TBC1D22A: variants seen among roughly 807,000 people sequenced by gnomAD.
TBC1D22A encodes TBC1 domain family member 22A.
TBC1D22A carries 38 observed loss-of-function variants against 60.2 expected under a neutral mutation model. The ratio of observed to expected loss-of-function variants is 0.63; its 90% CI spans 0.49 to 0.83. The LOEUF is 0.83. Ranked by LOEUF, TBC1D22A falls within the 40% of genes least tolerant of loss-of-function variation. The probability of loss-of-function intolerance (pLI) is 0.00; values close to 1 mark genes in which losing one functional copy is unlikely to be tolerated. For missense variants in TBC1D22A, 628 were observed against 701.0 expected (o/e 0.90, Z 1.18); for synonymous variants, 302 against 281.7 (o/e 1.07, Z -0.72).
chr22:46,884,561 G>A (rs1326844405), intron 5 of TBC1D22A, among the ~76,000 whole-genome samples: 2 of 152,188 alleles, frequency 1.3e-5, no homozygotes, highest in African/African-American at 4.8e-5. Context: ...TGAGAGCAGC[G>A]GCCAGCGGCT....
At chr22:47,168,951 G>A (rs2068317678) in intron 12 of TBC1D22A, among the ~76,000 whole-genome samples, 1 of 151,738 alleles carries the variant, frequency 6.6e-6, no homozygotes, top group Non-Finnish European at 1.5e-5. Context: ...CCTCAGCATT[G>A]GGAGCCTCGT....
chr22:47,014,585 C>T (rs2061850915), intron 10 of TBC1D22A, among the ~76,000 whole-genome samples: 1 of 152,250 alleles, frequency 6.6e-6, no homozygotes, highest in African/African-American at 2.4e-5. Flanking sequence ...CCCCATCCTT[C>T]ACCTCACTTA....
At chr22:47,011,085 A>T (rs1056729049) in intron 10 of TBC1D22A, among the ~76,000 whole-genome samples, 3 of 152,130 alleles carry the variant, frequency 2.0e-5, no homozygotes, top group Admixed American at 2.0e-4. Context: ...CCATCCCCGT[A>T]CTCAGAGTCC....
chr22:47,102,063 G>A (rs2065438696), intron 11 of TBC1D22A, among the ~76,000 whole-genome samples: 1 of 152,172 alleles, frequency 6.6e-6, no homozygotes, highest in African/African-American at 2.4e-5. Flanking sequence ...CAGGGTAGGG[G>A]GAGGAAACCG....
At chr22:46,867,398 C>T (rs1373392121) in intron 4 of TBC1D22A, among the ~76,000 whole-genome samples, 1 of 152,184 alleles carries the variant, frequency 6.6e-6, no homozygotes, top group Admixed American at 6.5e-5. Context: ...TTGAAGGATT[C>T]TGTGTGTCAA....
intron 12 of TBC1D22A, among the ~76,000 whole-genome samples, chr22:47,113,011 C>T (rs749089159): frequency 3.3e-5 from 5 of 152,202 alleles, no homozygotes; most frequent in Admixed American, 6.5e-5. Flanking sequence ...GCCTAGACTG[C>T]GGTCTCCTGG....
chr22:46,998,901 G>A (rs1167921565), intron 10 of TBC1D22A, among the ~76,000 whole-genome samples: 2 of 152,254 alleles, frequency 1.3e-5, no homozygotes, highest in Non-Finnish European at 2.9e-5. Flanking sequence ...TCCACCGCGC[G>A]GTCTTGTTTG....
chr22:47,025,944 G>A (rs1297257339), intron 10 of TBC1D22A, among the ~76,000 whole-genome samples: 1 of 152,218 alleles, frequency 6.6e-6, no homozygotes, highest in Non-Finnish European at 1.5e-5. Context: ...GAAACGTATA[G>A]TGTTGTAGAG....
intron 4 of TBC1D22A, among the ~76,000 whole-genome samples, chr22:46,863,054 G>A (rs1370706779): frequency 6.6e-6 from 1 of 152,236 alleles, no homozygotes; most frequent in Non-Finnish European, 1.5e-5. Context: ...GGCTGCCCCA[G>A]CAGGAGCTGC....
At chr22:47,048,056 A>T (rs131911) in intron 11 of TBC1D22A, among the ~76,000 whole-genome samples, 1 of 152,088 alleles carries the variant, frequency 6.6e-6, no homozygotes, top group Non-Finnish European at 1.5e-5. Context: ...CAGGGTCCCA[A>T]TGGAGGCTGA....
At chr22:47,018,405 C>T (rs2061973020) in intron 10 of TBC1D22A, among the ~76,000 whole-genome samples, 1 of 152,216 alleles carries the variant, frequency 6.6e-6, no homozygotes, top group Non-Finnish European at 1.5e-5. Context: ...AGTACAGGTG[C>T]CCCCATTTTA....
At position 46,860,713 on chromosome 22, in the gene TBC1D22A, G is replaced by T. The variant is rs527901937; in HGVS notation, c.638-17940G>T. Among the ~76,000 whole-genome samples, 9 of 152,356 alleles carry T rather than the reference G, an allele frequency of 5.9e-5. No individual in the cohort carries two copies. In the East Asian group the frequency reaches 1.5e-3, roughly 26 times the overall value. ...CCTTCCTGGCTCTGGCGTGGCCAGC[G>T]TCTTCTGGCGACAGGCGTCCTGGAG... On this transcript the variant is annotated intron_variant, in intron 4 of 12. Coordinates refer to ENST00000337137, the MANE Select transcript of TBC1D22A (RefSeq NM_014346.5).
At chr22:47,040,447 G>A (rs2062803193) in intron 11 of TBC1D22A, among the ~76,000 whole-genome samples, 1 of 152,168 alleles carries the variant, frequency 6.6e-6, no homozygotes, top group Non-Finnish European at 1.5e-5. Context: ...GTCATCAATG[G>A]CTGAGAGCAG....
intron 12 of TBC1D22A, among the ~76,000 whole-genome samples, chr22:47,165,555 G>T (rs1302463864): frequency 6.6e-6 from 1 of 150,808 alleles, no homozygotes; most frequent in African/African-American, 2.5e-5. Flanking sequence ...TCTAGAGCAG[G>T]CATGTCGCCC....
At chr22:46,837,313 G>A (rs908757125) in intron 4 of TBC1D22A, among the ~76,000 whole-genome samples, 8 of 152,164 alleles carry the variant, frequency 5.3e-5, no homozygotes, top group Non-Finnish European at 1.2e-4. Context: ...TTTCAGTACT[G>A]CACTTTCAAA....
Position 47,104,173 on chromosome 22 carries a change from G to T in TBC1D22A, c.1330-7335G>T, listed in dbSNP as rs558578857. Among the ~76,000 whole-genome samples the T allele has an allele frequency of 1.9e-3, 285 of 152,168 alleles. 2 individuals are homozygous for T. The highest frequency in any genetic ancestry group is 6.7e-3 in the African/African-American group (278 of 41,498). ...TATAAAAAATTAGCTAGGTGTGGTG[G>T]TGTGTGCCTGTAGTCCCAGCTACTT... is the stretch of plus-strand genomic sequence containing the variant. On this transcript the variant is annotated intron_variant, in intron 11 of 12. Coordinates refer to ENST00000337137, the MANE Select transcript of TBC1D22A (RefSeq NM_014346.5).
chr22:46,801,789 G>C (rs912610639), intron 4 of TBC1D22A, among the ~76,000 whole-genome samples: 1 of 152,244 alleles, frequency 6.6e-6, no homozygotes, highest in African/African-American at 2.4e-5. Context: ...GGCCACGGCT[G>C]TGTTCCACTT....
intron 9 of TBC1D22A, among the ~76,000 whole-genome samples, chr22:46,979,498 A>T (rs1272293603): frequency 1.3e-5 from 2 of 152,224 alleles, no homozygotes; most frequent in African/African-American, 2.4e-5. Context: ...CAGCGCACCA[A>T]GTGCTCTCCT....
At chr22:46,793,458 A>C (rs770060149) in intron 2 of TBC1D22A, 43 bp from the exon 3 acceptor site, 1 of 1,600,818 alleles carries the variant, frequency 6.2e-7, no homozygotes, top group Non-Finnish European at 8.5e-7. Flanking sequence ...TTTTGGGTGA[A>C]GCCTTCGAGC....
Sources: gnomAD v4.1 joint callset for allele counts (sites outside exome capture counted in the v4.1 genomes callset) on GRCh38, gnomAD v4.1.1 for gene constraint, MANE v1.5 for transcripts, NCBI Gene and HGNC (gene_info 2026-07-23, HGNC 2026-07-21) for gene names.